SLC3A1: variants seen among roughly 807,000 people sequenced by gnomAD.
The protein encoded by SLC3A1 is solute carrier family 3 member 1.
Under a neutral mutation model 60.3 loss-of-function variants are expected in SLC3A1, and 78 were observed. The ratio of observed to expected loss-of-function variants is 1.29; its 90% CI spans 1.08 to 1.56. The LOEUF is 1.56. Ranked by LOEUF, SLC3A1 falls within the 40% of genes most tolerant of loss-of-function variation. SLC3A1 has a pLI of 0.00. For synonymous variants in SLC3A1, 392 were observed against 307.9 expected, an observed-to-expected ratio of 1.27 and a Z score of -2.86; for missense variants, 1,172 against 858.9, an observed-to-expected ratio of 1.36 and a Z score of -4.56.
At chr2:44,282,753 G>C (rs770623335) in intron 3 of SLC3A1, among the ~76,000 whole-genome samples, 2 of 151,974 alleles carry the variant, frequency 1.3e-5, no homozygotes, top group Non-Finnish European at 2.9e-5. Flanking sequence ...TGCCTCCTGG[G>C]CTCAAGCAAT....
intron 3 of SLC3A1, among the ~76,000 whole-genome samples, chr2:44,284,076 C>T (rs571730501): frequency 8.1e-4 from 123 of 152,054 alleles, no homozygotes; most frequent in African/African-American, 2.8e-3. Flanking sequence ...GGTACATGTG[C>T]AAGGGCTTCT....
intron 9 of SLC3A1, among the ~76,000 whole-genome samples, chr2:44,317,191 G>T (rs912062702): frequency 6.6e-6 from 1 of 152,164 alleles, no homozygotes; most frequent in Non-Finnish European, 1.5e-5. Context: ...TGCTGGGTAT[G>T]GTGGCTCACG....
intron 9 of SLC3A1, chr2:44,318,809 AAAAGCATTATATGAGAC>A (rs1672668336): frequency 6.6e-6 from 1 of 152,234 alleles, no homozygotes; most frequent in Admixed American, 6.5e-5. Context: ...GTTCAATATG[AAAAGCATTATATGAGAC>A]AAAGGCAATT....
At chr2:44,277,957 T>C (rs756052495) in intron 1 of SLC3A1, among the ~76,000 whole-genome samples, 1 of 152,198 alleles carries the variant, frequency 6.6e-6, no homozygotes, top group Non-Finnish European at 1.5e-5. Flanking sequence ...TCTCTCCTTC[T>C]AAAATGTGGG....
intron 7 of SLC3A1, among the ~76,000 whole-genome samples, chr2:44,307,289 G>A (rs1160130368): frequency 1.3e-5 from 2 of 152,180 alleles, no homozygotes; most frequent in African/African-American, 2.4e-5. Context: ...GAATAGTGAT[G>A]CTATGGACAT....
rs1672325424 is a variant in SLC3A1 at position 44,312,596 on chromosome 2, C to A, written c.1343C>A (p.Pro448Gln). 6.2e-7 allele frequency: 1 copy of A among 1,613,744 alleles called. No individual in the cohort carries two copies. Among genetic ancestry groups the A allele is most frequent in the Non-Finnish European group, 8.5e-7 (1 of 1,179,786 alleles). ...GKWPNWMIGGPDSSRLTSRLG... is the reference protein window; with the variant it reads ...GKWPNWMIGGQDSSRLTSRLG... ...ATATCTGCCTTTCAGATTGGTGGAC[C>A]AGACAGTTCACGGCTGACTTCGCGT... The change falls in exon 8 of 10, where the codon CCA (proline) becomes CAA (glutamine). Residue 448 changes from proline to glutamine, a missense_variant. By Grantham distance (76) the Pro-to-Gln change is moderately conservative (BLOSUM62 -1). Transcript: ENST00000260649.
chr2:44,311,956 G>A (rs1227683241), intron 7 of SLC3A1, among the ~76,000 whole-genome samples: 1 of 152,170 alleles, frequency 6.6e-6, no homozygotes, highest in Admixed American at 6.5e-5. Context: ...GCCATGCTCA[G>A]CGTATGCACA....
intron 7 of SLC3A1, among the ~76,000 whole-genome samples, chr2:44,308,825 C>A (rs182976886): frequency 6.6e-6 from 1 of 151,870 alleles, no homozygotes; most frequent in African/African-American, 2.4e-5. Flanking sequence ...CTCCGCCTCC[C>A]GGGTTCATGC....
At chr2:44,301,738 C>CAAAAA (rs10657360) in intron 6 of SLC3A1, among the ~76,000 whole-genome samples, 10 of 93,262 alleles carry the variant, frequency 1.1e-4, no homozygotes, top group Admixed American at 1.4e-4. Flanking sequence ...GACTCCATCA[C>CAAAAA]AAAAAAAAAA....
intron 9 of SLC3A1, chr2:44,318,929 T>C (rs1672679414): frequency 6.6e-6 from 1 of 152,080 alleles, no homozygotes; most frequent in Non-Finnish European, 1.5e-5. Flanking sequence ...AATCAACAAA[T>C]CTGCAATTAC....
intron 4 of SLC3A1, among the ~76,000 whole-genome samples, chr2:44,295,073 T>G (rs894485492): frequency 3.9e-5 from 6 of 152,146 alleles, no homozygotes; most frequent in Non-Finnish European, 8.8e-5. Context: ...TCATCCCATG[T>G]AAGAGTAGAC....
At position 44,321,422 on chromosome 2, in the gene SLC3A1, C is replaced by T; in HGVS notation, c.*783C>T. On this transcript the variant is annotated 3_prime_UTR_variant, in exon 10 of 10. Coordinates refer to ENST00000260649, the MANE Select transcript of SLC3A1 (RefSeq NM_000341.4). ...TGCTGTCAAGTCCAAGTTCCTCGTACAGGAATTTAATTTGGGCTGTAATCT... is the reference window on the plus strand; with the variant it reads ...TGCTGTCAAGTCCAAGTTCCTCGTATAGGAATTTAATTTGGGCTGTAATCT... 2.5e-6 allele frequency: 4 copies of T among 1,612,732 alleles called. No individual in the cohort carries two copies. Among genetic ancestry groups the T allele is most frequent in the East Asian group, 2.2e-5 (1 of 44,846 alleles).
At chr2:44,301,227 T>G in intron 6 of SLC3A1, 100 bp downstream of exon 6, 1 of 1,434,050 alleles carries the variant, frequency 7.0e-7, no homozygotes, top group Non-Finnish European at 9.7e-7. Context: ...AGTAATAATG[T>G]AACAAGCCTG....
chr2:44,312,513 T>G, intron 7 of SLC3A1, 73 bp from the exon 8 acceptor site: 4 of 1,541,654 alleles, frequency 2.6e-6, no homozygotes, highest in Non-Finnish European at 3.6e-6. Flanking sequence ...CGTTGTGAAC[T>G]TTCTGTGAAA....
At chr2:44,306,550 CTTT>C (rs11290172) in intron 7 of SLC3A1, among the ~76,000 whole-genome samples, 5,635 of 101,120 alleles carry the variant, frequency 0.056, 155 homozygotes, top group African/African-American at 0.16. Flanking sequence ...TACCATAAAA[CTTT>C]TTTTTTTTTT....
chr2:44,277,365 C>A (rs926061567), intron 1 of SLC3A1, among the ~76,000 whole-genome samples: 38 of 152,184 alleles, frequency 2.5e-4, no homozygotes, highest in African/African-American at 8.7e-4. Flanking sequence ...CCCTTGGCCT[C>A]CCAAAACTCT....
chr2:44,277,796 G>A (rs1182862511), intron 1 of SLC3A1, among the ~76,000 whole-genome samples: 1 of 152,158 alleles, frequency 6.6e-6, no homozygotes, highest in East Asian at 1.9e-4. Flanking sequence ...TTTCTAATCA[G>A]CTCTGATGTT....
chr2:44,320,750 T>A lies in SLC3A1; in HGVS notation c.*111T>A. 1 of 881,830 alleles carries A rather than the reference T, an allele frequency of 1.1e-6. No homozygotes were observed. Among genetic ancestry groups the A allele is most frequent in the East Asian group, 2.5e-5 (1 of 39,538 alleles). 54.6% of individuals were successfully genotyped at this position (881,830 alleles called of 1,614,324 possible). ...TGAACAATCATTAATTCTTCGATAT[T>A]TCTGTAGCTTGAATGTAACTGCTTT... On this transcript the variant is annotated 3_prime_UTR_variant, in exon 10 of 10. Coordinates refer to ENST00000260649, the MANE Select transcript of SLC3A1 (RefSeq NM_000341.4).
chr2:44,312,493 T>A (rs1395160782), intron 7 of SLC3A1, 93 bp from the exon 8 acceptor site: 11 of 1,370,998 alleles, frequency 8.0e-6, no homozygotes, highest in Non-Finnish European at 2.1e-6. Context: ...ACATCTACTT[T>A]GTTTTGCTAC....
Sources: allele counts gnomAD v4.1 joint callset (sites outside exome capture counted in the v4.1 genomes callset), GRCh38; gene constraint gnomAD v4.1.1; transcripts MANE v1.5; gene names NCBI Gene and HGNC (gene_info 2026-07-23, HGNC 2026-07-21).